The following SAMD12 variants were observed in gnomAD, a reference collection of about 807,000 sequenced individuals.
SAMD12 encodes sterile alpha motif domain-containing protein 12.
A neutral mutation model predicts 15.0 loss-of-function variants in SAMD12; 9 were observed. The ratio of observed to expected loss-of-function variants is 0.60; its 90% CI spans 0.36 to 1.05. SAMD12 has a LOEUF of 1.05. SAMD12 is among the 50% of genes least tolerant of loss of function. The pLI is 0.01. For missense variants in SAMD12, 230 were observed against 234.2 expected (o/e 0.98, Z 0.12); for synonymous variants, 86 against 90.1 (o/e 0.96, Z 0.25).
At chr8:118,447,095 G>C (rs10955886) in intron 2 of SAMD12, among the ~76,000 whole-genome samples, 103,517 of 151,892 alleles carry the variant, frequency 0.68, 35,371 homozygotes, top group Middle Eastern at 0.74. Context: ...ATAGACTTTC[G>C]TCTTTCTCTT....
intron 4 of SAMD12, among the ~76,000 whole-genome samples, chr8:118,285,134 T>TTTTC (rs890692678): frequency 3.3e-5 from 5 of 151,784 alleles, no homozygotes; most frequent in South Asian, 2.1e-4. Context: ...CTTGGCCACG[T>TTTTC]TTTCTTTCTT....
intron 4 of SAMD12, among the ~76,000 whole-genome samples, chr8:118,306,302 C>T (rs1401140433): frequency 6.6e-6 from 1 of 152,152 alleles, no homozygotes; most frequent in African/African-American, 2.4e-5. Context: ...TGGTTGTCCT[C>T]AATATATAAT....
chr8:118,410,301 T>G (rs1265722324), intron 3 of SAMD12, among the ~76,000 whole-genome samples: 2 of 151,878 alleles, frequency 1.3e-5, no homozygotes, highest in African/African-American at 4.8e-5. Flanking sequence ...TACAAAGGAG[T>G]AGGGTCAGTC....
the SAMD12 span, among the ~76,000 whole-genome samples, chr8:118,131,950 T>C: frequency 6.6e-6 from 1 of 152,162 alleles, no homozygotes; most frequent in Non-Finnish European, 1.5e-5. Context: ...AAAACATAAA[T>C]AAGCAAAGAG....
intron 3 of SAMD12, among the ~76,000 whole-genome samples, chr8:118,406,755 C>T (rs62533397): frequency 0.19 from 28,275 of 152,062 alleles, 2,939 homozygotes; most frequent in South Asian, 0.26. Context: ...ACACTAGGTA[C>T]CTCATATAAG....
At chr8:118,407,486 G>T (rs1316999043) in intron 3 of SAMD12, among the ~76,000 whole-genome samples, 2 of 152,264 alleles carry the variant, frequency 1.3e-5, no homozygotes, top group Admixed American at 1.3e-4. Context: ...ATCACACAAT[G>T]ATCAAGTAAA....
chr8:118,143,817 A>G, the SAMD12 span, among the ~76,000 whole-genome samples: 4 of 152,216 alleles, frequency 2.6e-5, no homozygotes, highest in East Asian at 1.9e-4. Flanking sequence ...GAGAGGACTG[A>G]GGTCTACGCA....
At chr8:118,456,509 T>C (rs1296529448) in intron 2 of SAMD12, among the ~76,000 whole-genome samples, 1 of 152,204 alleles carries the variant, frequency 6.6e-6, no homozygotes, top group Non-Finnish European at 1.5e-5. Flanking sequence ...CTCTCTCCAT[T>C]GTCCATAATG....
intron 4 of SAMD12, among the ~76,000 whole-genome samples, chr8:118,323,238 G>A (rs1816384772): frequency 6.6e-6 from 1 of 152,256 alleles, no homozygotes; most frequent in East Asian, 1.9e-4. Flanking sequence ...ATTTGTTACA[G>A]CAGCTAGTGT....
In SAMD12 at chr8:118,401,301, T is replaced by C. The variant is rs533540482; in HGVS notation, c.323-21601A>G. Among the ~76,000 whole-genome samples, 5 of 152,342 alleles carry C rather than the reference T, an allele frequency of 3.3e-5. No individual in the cohort carries two copies. The South Asian group carries it at 1.0e-3, about 32-fold the overall frequency. On this transcript the variant is annotated intron_variant, in intron 3 of 3. Transcript: ENST00000314727. ...GAATTTATAACATTTCAGATTTTCT[T>C]TGATTGTAAAGCAATAGTCTTACTG...
intron 2 of SAMD12, among the ~76,000 whole-genome samples, chr8:118,473,797 A>G (rs1176875118): frequency 6.6e-6 from 1 of 152,110 alleles, no homozygotes; most frequent in Non-Finnish European, 1.5e-5. Flanking sequence ...TGCAGCTGAC[A>G]TGGCACACTC....
At chr8:118,437,420 A>G (rs2130883402) in intron 3 of SAMD12, among the ~76,000 whole-genome samples, 1 of 152,306 alleles carries the variant, frequency 6.6e-6, no homozygotes, top group East Asian at 1.9e-4. Context: ...TGCCCTTAAA[A>G]GGAAATAACA....
intron 2 of SAMD12, among the ~76,000 whole-genome samples, chr8:118,559,276 G>A (rs1399760426): frequency 2.6e-5 from 4 of 152,098 alleles, no homozygotes; most frequent in Admixed American, 2.6e-4. Context: ...TGTACTCAAG[G>A]GCAGACTCTT....
At chr8:118,149,893 C>T in the SAMD12 span, among the ~76,000 whole-genome samples, 1 of 152,030 alleles carries the variant, frequency 6.6e-6, no homozygotes, top group Admixed American at 6.5e-5. Flanking sequence ...CATATACATA[C>T]GGGTCTATTT....
chr8:118,547,737 C>T (rs183929479), intron 2 of SAMD12, among the ~76,000 whole-genome samples: 2 of 152,228 alleles, frequency 1.3e-5, no homozygotes, highest in African/African-American at 4.8e-5. Context: ...TTTTCTATAC[C>T]ATATAAAATA....
intron 4 of SAMD12, among the ~76,000 whole-genome samples, chr8:118,293,496 A>G (rs947082064): frequency 6.6e-6 from 1 of 152,252 alleles, no homozygotes; most frequent in African/African-American, 2.4e-5. Context: ...GAAAACAGAA[A>G]CATACAGAAG....
intron 2 of SAMD12, among the ~76,000 whole-genome samples, chr8:118,568,923 T>A (rs886287623): frequency 2.0e-5 from 3 of 152,278 alleles, no homozygotes; most frequent in South Asian, 4.1e-4. Flanking sequence ...ACCACTGCTC[T>A]GTAATGCCAA....
At chr8:118,242,286 C>A (rs1260429504) in intron 4 of SAMD12, among the ~76,000 whole-genome samples, 1 of 152,092 alleles carries the variant, frequency 6.6e-6, no homozygotes, top group Non-Finnish European at 1.5e-5. Flanking sequence ...AGAAAGTTAA[C>A]ACAAAGATGA....
At chr8:118,267,392 G>A (rs930357161) in intron 4 of SAMD12, among the ~76,000 whole-genome samples, 2 of 152,010 alleles carry the variant, frequency 1.3e-5, no homozygotes, top group Non-Finnish European at 2.9e-5. Context: ...CAAGAGTGGA[G>A]GATAAATAAA....
Sources: allele counts gnomAD v4.1 joint callset (sites outside exome capture counted in the v4.1 genomes callset), GRCh38; gene constraint gnomAD v4.1.1; transcripts MANE v1.5; gene names NCBI Gene and HGNC (gene_info 2026-07-23, HGNC 2026-07-21).